Variants in TMEM178B observed in about 807,000 individuals in gnomAD.
TMEM178B encodes the protein transmembrane protein 178B.
In TMEM178B, 5 loss-of-function variants were observed where a neutral mutation model predicts 31.0. The observed-to-expected ratio is 0.16, with a 90% CI of 0.08 to 0.34. The LOEUF is 0.34. Ranked by LOEUF, TMEM178B falls within the 10% of genes least tolerant of loss-of-function variation. The pLI, the probability that TMEM178B is intolerant of heterozygous loss-of-function variation, is 1.00. For missense variants in TMEM178B, 275 were observed against 400.3 expected, an observed-to-expected ratio of 0.69 and a Z score of 2.67; for synonymous variants, 164 against 164.0, an observed-to-expected ratio of 1.00 and a Z score of 0.00.
chr7:141,290,760 G>C (rs536711546), intron 2 of TMEM178B, among the ~76,000 whole-genome samples: 8 of 152,274 alleles, frequency 5.3e-5, no homozygotes, highest in Admixed American at 5.2e-4. Flanking sequence ...CTTTGTCACA[G>C]ATGAAATGCC....
intron 1 of TMEM178B, among the ~76,000 whole-genome samples, chr7:141,158,677 G>A (rs890121251): frequency 9.2e-5 from 14 of 152,148 alleles, no homozygotes; most frequent in African/African-American, 3.4e-4. Context: ...AGCCCAGCTG[G>A]GGATGCCTAG....
At chr7:141,112,874 A>G (rs1178627944) in intron 1 of TMEM178B, among the ~76,000 whole-genome samples, 3 of 152,198 alleles carry the variant, frequency 2.0e-5, no homozygotes, top group Admixed American at 6.5e-5. Flanking sequence ...GTGGCCAGGA[A>G]GTGTATTTCA....
At chr7:141,215,819 TTTC>T (rs1563120303) in intron 2 of TMEM178B, among the ~76,000 whole-genome samples, 71 of 86,374 alleles carry the variant, frequency 8.2e-4, no homozygotes, top group African/African-American at 2.5e-3. Flanking sequence ...TCTTTCTTTC[TTTC>T]TTTCTTTCTT....
chr7:141,206,417 C>T (rs1199240394), intron 1 of TMEM178B, among the ~76,000 whole-genome samples: 1 of 152,160 alleles, frequency 6.6e-6, no homozygotes, highest in Non-Finnish European at 1.5e-5. Context: ...TCTGCCTTTC[C>T]AACCTGGCCT....
chr7:141,152,625 G>A (rs959564438), intron 1 of TMEM178B, among the ~76,000 whole-genome samples: 2 of 152,142 alleles, frequency 1.3e-5, no homozygotes, highest in African/African-American at 4.8e-5. Context: ...TCAGGAGCAA[G>A]AACATTAGCA....
intron 3 of TMEM178B, among the ~76,000 whole-genome samples, chr7:141,443,886 T>G (rs1212350443): frequency 6.6e-6 from 1 of 152,234 alleles, no homozygotes; most frequent in African/African-American, 2.4e-5. Context: ...TATCTTACAC[T>G]TTGGGTTTAA....
At chr7:141,108,853 A>G (rs944779380) in intron 1 of TMEM178B, among the ~76,000 whole-genome samples, 10 of 152,198 alleles carry the variant, frequency 6.6e-5, no homozygotes, top group South Asian at 4.1e-4. Context: ...TGATAAAGAC[A>G]TACCTGAGAC....
chr7:141,493,653 C>G, the TMEM178B span, among the ~76,000 whole-genome samples: 6 of 152,206 alleles, frequency 3.9e-5, no homozygotes, highest in Admixed American at 3.9e-4. Flanking sequence ...TCACCTTCCG[C>G]TGCCCTGACG....
intron 1 of TMEM178B, among the ~76,000 whole-genome samples, chr7:141,195,791 C>G (rs1796773289): frequency 6.6e-6 from 1 of 152,192 alleles, no homozygotes; most frequent in African/African-American, 2.4e-5. Flanking sequence ...ACTTACAGTT[C>G]CACATGGCTG....
At chr7:141,248,379 C>G (rs917109008) in intron 2 of TMEM178B, among the ~76,000 whole-genome samples, 3 of 152,126 alleles carry the variant, frequency 2.0e-5, no homozygotes, top group Non-Finnish European at 4.4e-5. Flanking sequence ...CCACTGCACT[C>G]CAGCCTAGCA....
chr7:141,377,821 G>T (rs933435702), intron 2 of TMEM178B, among the ~76,000 whole-genome samples: 2 of 152,090 alleles, frequency 1.3e-5, no homozygotes, highest in Non-Finnish European at 2.9e-5. Context: ...AGTTATTTTA[G>T]ATTTACAGAA....
chr7:141,320,726 C>CA (rs1437336625), intron 2 of TMEM178B, among the ~76,000 whole-genome samples: 11 of 152,076 alleles, frequency 7.2e-5, no homozygotes, highest in Admixed American at 7.2e-4. Context: ...ATTTAATCAC[C>CA]AAAAAATCCT....
intron 3 of TMEM178B, among the ~76,000 whole-genome samples, chr7:141,449,998 C>T (rs935312351): frequency 1.5e-4 from 23 of 152,204 alleles, no homozygotes; most frequent in African/African-American, 5.1e-4. Context: ...CTAACAGAGT[C>T]TGGGCTACTG....
intron 2 of TMEM178B, among the ~76,000 whole-genome samples, chr7:141,355,643 T>A (rs1302708890): frequency 6.6e-6 from 1 of 152,242 alleles, no homozygotes; most frequent in East Asian, 1.9e-4. Context: ...AGGGTTGTTT[T>A]TTCTGCAGAA....
At chr7:141,195,833 A>G (rs1395113379) in intron 1 of TMEM178B, among the ~76,000 whole-genome samples, 1 of 152,210 alleles carries the variant, frequency 6.6e-6, no homozygotes, top group Non-Finnish European at 1.5e-5. Flanking sequence ...AGGAGGCGAA[A>G]GGCACTTCTT....
In TMEM178B at chr7:141,288,040, C is replaced by T. The variant is rs1472238611; in HGVS notation, c.496+75336C>T. 5.9e-5 allele frequency among the ~76,000 whole-genome samples: 9 copies of T among 152,222 alleles called. No individual in the cohort carries two copies. In the East Asian group the frequency reaches 1.7e-3, roughly 29 times the overall value. On this transcript the variant is annotated intron_variant, in intron 2 of 3. Coordinates refer to ENST00000565468, the MANE Select transcript of TMEM178B (RefSeq NM_001195278.2). Reference sequence around the variant, plus strand: ...AAAAATGTTCTAGCACTTTTTGAGCCTGCAGCCCTGCTGACAGATGCCCTG... The same window carrying T: ...AAAAATGTTCTAGCACTTTTTGAGCTTGCAGCCCTGCTGACAGATGCCCTG...
intron 2 of TMEM178B, among the ~76,000 whole-genome samples, chr7:141,428,600 T>G (rs1192358927): frequency 6.6e-6 from 1 of 152,116 alleles, no homozygotes; most frequent in Non-Finnish European, 1.5e-5. Flanking sequence ...AAACACACTG[T>G]GTGTGCAGCC....
chr7:141,328,636 C>T (rs1185977261), intron 2 of TMEM178B, among the ~76,000 whole-genome samples: 2 of 152,236 alleles, frequency 1.3e-5, no homozygotes, highest in Admixed American at 6.5e-5. Flanking sequence ...CCTTCTGCAA[C>T]ACTTGGCATG....
intron 2 of TMEM178B, among the ~76,000 whole-genome samples, chr7:141,326,505 G>A (rs921958437): frequency 1.3e-5 from 2 of 152,160 alleles, no homozygotes; most frequent in Non-Finnish European, 2.9e-5. Flanking sequence ...ATGGGTAGAT[G>A]CCTCACAGTA....
Sources: allele counts gnomAD v4.1 joint callset (sites outside exome capture counted in the v4.1 genomes callset), GRCh38; gene constraint gnomAD v4.1.1; transcripts MANE v1.5; gene names NCBI Gene and HGNC (gene_info 2026-07-23, HGNC 2026-07-21).